The following PIGG variants were observed in gnomAD, a reference collection of about 807,000 sequenced individuals.
PIGG encodes the protein phosphatidylinositol glycan anchor biosynthesis class G (EMM blood group), also known as GPI ethanolamine phosphate transferase 2, catalytic subunit.
Under a neutral mutation model 83.2 loss-of-function variants are expected in PIGG, and 70 were observed. The observed-to-expected ratio is 0.84, with a 90% CI of 0.69 to 1.03. The LOEUF (loss-of-function observed/expected upper bound fraction) is 1.03. PIGG is among the 50% of genes least tolerant of loss of function. PIGG has a pLI of 0.00. For missense variants in PIGG, 1,257 were observed against 1,233.6 expected (o/e 1.02, Z -0.28); for synonymous variants, 532 against 519.5 (o/e 1.02, Z -0.33).
Position 521,839 on chromosome 4 carries a change from G to C in PIGG, c.1512G>C (p.Ser504=), listed in dbSNP as rs35851965. Residue 504 remains serine, a synonymous_variant, in exon 8 of 13, where the codon TCG becomes TCC. Coordinates refer to ENST00000453061, the MANE Select transcript of PIGG (RefSeq NM_001127178.3). ...AESSCYFCGL[S]WLAAGGVMVL... The stretch of plus-strand genomic sequence containing the variant: ...GTTCGTGCTACTTCTGTGGCCTCTC[G>C]TGGCTGGCGGCAGGTGGGGTGATGG... The C allele has an allele frequency of 1.9e-6, 3 of 1,614,206 alleles. No individual in the cohort carries two copies. Among genetic ancestry groups the C allele is most frequent in the Non-Finnish European group, 2.5e-6 (3 of 1,180,022 alleles).
chr4:503,665 T>A (rs1718557786), intron 2 of PIGG, among the ~76,000 whole-genome samples: 1 of 151,924 alleles, frequency 6.6e-6, no homozygotes, highest in Non-Finnish European at 1.5e-5. Context: ...GTTAAATACG[T>A]TATTGTACAG....
At position 521,658 on chromosome 4, in the gene PIGG, AG is replaced by A; in HGVS notation, c.1333del. 1 of 1,612,878 alleles carries A rather than the reference AG, an allele frequency of 6.2e-7. No individual in the cohort carries two copies. The highest frequency in any genetic ancestry group is 8.5e-7 in the Non-Finnish European group (1 of 1,178,956). ...GTGGATGCTGCTGTTTCTCTGTTCCAGGTTCTCACCCTGCTCCTGCTCAGCG... is the reference window on the plus strand; with the variant it reads ...GTGGATGCTGCTGTTTCTCTGTTCCAGTTCTCACCCTGCTCCTGCTCAGCG... On this transcript the variant is annotated splice_acceptor_variant, in intron 7 of 12. Transcript: ENST00000453061. LOFTEE classifies it high-confidence loss of function.
chr4:504,159 C>G (rs988390804), intron 2 of PIGG, among the ~76,000 whole-genome samples: 1 of 152,136 alleles, frequency 6.6e-6, no homozygotes, highest in African/African-American at 2.4e-5. Context: ...CGGGAGCGTG[C>G]GGCAACTGAT....
intron 4 of PIGG, among the ~76,000 whole-genome samples, chr4:508,225 G>A (rs1553881013): frequency 1.3e-5 from 2 of 152,232 alleles, no homozygotes; most frequent in Non-Finnish European, 2.9e-5. Flanking sequence ...AGCGTGTTGA[G>A]AGAAGCCTTC....
At position 527,176 on chromosome 4, in the gene PIGG, C is replaced by T. The variant is rs745563663; in HGVS notation, c.2207C>T (p.Ala736Val). The change falls in exon 10 of 13, where the codon GCG (alanine) becomes GTG (valine). Residue 736 changes from alanine (A) to valine (V), a missense_variant. Coordinates refer to ENST00000453061, the MANE Select transcript of PIGG (RefSeq NM_001127178.3). Reference protein sequence around the residue: ...LGLLGVYCYRAAIGSVRFPWR... With the variant: ...LGLLGVYCYRVAIGSVRFPWR... Reference sequence around the variant, plus strand: ...CTGCTGGGCGTCTACTGCTACCGGGCGGCCATCGGGAGTGTCCGGTTCCCG... The same window carrying T: ...CTGCTGGGCGTCTACTGCTACCGGGTGGCCATCGGGAGTGTCCGGTTCCCG... The T allele has an allele frequency of 2.8e-5, 45 of 1,613,064 alleles. No homozygotes were observed. In the Middle Eastern group the frequency reaches 8.4e-4, roughly 30 times the overall value.
At chr4:538,173 G>C (rs73794960) in intron 12 of PIGG, among the ~76,000 whole-genome samples, 3 of 151,424 alleles carry the variant, frequency 2.0e-5, no homozygotes, top group African/African-American at 7.4e-5. Flanking sequence ...GGCTGCCTCC[G>C]GGCCCTTTCT....
chr4:528,399 T>TGAGGGCTGTGGCCAGCCTGAGG lies in PIGG; in HGVS notation c.2261+1171_2261+1192dup. 1.0e-6 allele frequency: 1 copy of TGAGGGCTGTGGCCAGCCTGAGG among 985,312 alleles called. No homozygotes were observed. The highest frequency in any genetic ancestry group is 1.2e-6 in the Non-Finnish European group (1 of 829,798). 61.0% of individuals were successfully genotyped at this position (985,312 alleles called of 1,614,324 possible). ...AATCACAGCAAGTCAAGGTGACTGC[T>TGAGGGCTGTGGCCAGCCTGAGG]GAGGGCTGTGGCCAGCCTGAGGGGT... is the stretch of plus-strand genomic sequence containing the variant. On this transcript the variant is annotated intron_variant, in intron 10 of 12. Coordinates refer to ENST00000453061, the MANE Select transcript of PIGG (RefSeq NM_001127178.3). The surrounding 1 kb of genome is among the most constrained non-coding windows in gnomAD (Gnocchi z 4.8).
chr4:535,529 G>A (rs955778250), intron 12 of PIGG, among the ~76,000 whole-genome samples: 4 of 116,098 alleles, frequency 3.4e-5, no homozygotes, highest in Non-Finnish European at 5.2e-5. Flanking sequence ...AGAGCTTTGC[G>A]TGTGTCCTGT....
In PIGG at chr4:506,725, A is replaced by G. The variant is rs190481121; in HGVS notation, c.571-680A>G. 1.5e-4 allele frequency: 70 copies of G among 455,614 alleles called. No individual in the cohort carries two copies. The Middle Eastern group carries it at 2.3e-3, about 15-fold the overall frequency. 28.2% of individuals were successfully genotyped at this position (455,614 alleles called of 1,614,324 possible). Reference sequence around the variant, plus strand: ...TGACAGCTCTATTGGGGGCTGATCAACTGCTCATCTCTCCTCCGTGATGTG... The same window carrying G: ...TGACAGCTCTATTGGGGGCTGATCAGCTGCTCATCTCTCCTCCGTGATGTG... On this transcript the variant is annotated intron_variant, in intron 3 of 12. Coordinates refer to ENST00000453061, the MANE Select transcript of PIGG (RefSeq NM_001127178.3).
chr4:511,659 G>A (rs1722005290), intron 5 of PIGG, among the ~76,000 whole-genome samples: 1 of 152,218 alleles, frequency 6.6e-6, no homozygotes, highest in Admixed American at 6.5e-5. Flanking sequence ...TGCTTTTATA[G>A]TGTCTTTCAT....
Position 539,251 on chromosome 4 carries a change from T to C in PIGG, c.2834T>C (p.Leu945Ser), listed in dbSNP as rs1731498967. The C allele has an allele frequency of 6.2e-7, 1 of 1,612,044 alleles. No individual in the cohort carries two copies. Among genetic ancestry groups the C allele is most frequent in the Non-Finnish European group, 8.5e-7 (1 of 1,178,058 alleles). ...TTGGTGACATCTCTGCGTTATCATTTATTTATATGGAGTGTATTTTCTCCA... is the reference window on the plus strand; with the variant it reads ...TTGGTGACATCTCTGCGTTATCATTCATTTATATGGAGTGTATTTTCTCCA... ...IVLVTSLRYH[L>S]FIWSVFSPKL... The change falls in exon 13 of 13, where the codon TTA becomes TCA. Residue 945 changes from leucine (L) to serine (S), a missense_variant. By Grantham distance (145) the Leu-to-Ser change is moderately radical. Transcript: ENST00000453061.
chr4:499,357 T>G lies in PIGG; in HGVS notation c.22T>G (p.Phe8Val). The G allele has an allele frequency of 3.7e-6, 6 of 1,609,494 alleles. No homozygotes were observed. The highest frequency in any genetic ancestry group is 4.2e-6 in the Non-Finnish European group (5 of 1,179,898). Residue 8 changes from phenylalanine to valine, a missense_variant, in exon 1 of 13, where the codon TTC becomes GTC. Phe to Val is a conservative substitution (Grantham distance 50). Transcript: ENST00000453061. ...CACGATGCGGCTGGGCTCCGGGACT[T>G]TCGCTACCTGTTGCGTAGCGATCGA... is the stretch of plus-strand genomic sequence containing the variant. MRLGSGT[F>V]ATCCVAIEVL... is the part of the protein sequence containing the mutation.
chr4:529,145 C>CA (rs1728425447), intron 10 of PIGG, among the ~76,000 whole-genome samples: 1 of 152,192 alleles, frequency 6.6e-6, no homozygotes, highest in Non-Finnish European at 1.5e-5. Flanking sequence ...GAGGAGGACC[C>CA]ACCAAAGGCC....
At chr4:504,533 C>T (rs1553877610) in intron 2 of PIGG, among the ~76,000 whole-genome samples, 1 of 152,172 alleles carries the variant, frequency 6.6e-6, no homozygotes, top group Non-Finnish European at 1.5e-5. Flanking sequence ...ACAGTTTCAT[C>T]CAGTTTTATT....
intron 5 of PIGG, among the ~76,000 whole-genome samples, chr4:511,029 C>T (rs1721714719): frequency 6.6e-6 from 1 of 152,186 alleles, no homozygotes; most frequent in African/African-American, 2.4e-5. Context: ...CACTGTGGCT[C>T]TCACCTGTAA....
At chr4:529,925 C>T (rs1034924474) in intron 10 of PIGG, among the ~76,000 whole-genome samples, 2 of 152,226 alleles carry the variant, frequency 1.3e-5, no homozygotes, top group Non-Finnish European at 1.5e-5. Context: ...CACCACTGCA[C>T]GCGTGTGTGC....
chr4:512,685 G>GT (rs1722530106), intron 5 of PIGG, among the ~76,000 whole-genome samples: 1 of 151,626 alleles, frequency 6.6e-6, no homozygotes, highest in African/African-American at 2.4e-5. Flanking sequence ...TGTGGTGGTG[G>GT]GCGCCTGTAA....
chr4:521,311 T>C (rs775197445), intron 7 of PIGG, 38 bp downstream of exon 7: 109 of 1,402,654 alleles, frequency 7.8e-5, no homozygotes, highest in Non-Finnish European at 1.0e-4. Context: ...AGGTGTTGCA[T>C]TGATTTGATA....
rs1439569990 is a variant in PIGG, at chr4:516,199, C to G, written c.1114+14C>G. The G allele has an allele frequency of 6.4e-7, 1 of 1,570,998 alleles. No homozygotes were observed. The highest frequency in any genetic ancestry group is 1.7e-4 in the Middle Eastern group (1 of 5,962). ...CATATGAAAAAGGTCAGTCAACTCA[C>G]CGTTTCGAGCTCTGTCAGAGCTGTG... On this transcript the variant is annotated intron_variant, in intron 6 of 12. Coordinates refer to ENST00000453061, the MANE Select transcript of PIGG (RefSeq NM_001127178.3).
Sources: gnomAD v4.1 joint callset for allele counts (sites outside exome capture counted in the v4.1 genomes callset) on GRCh38, gnomAD v4.1.1 for gene constraint, Gnocchi (gnomAD v3.1) non-coding constraint, MANE v1.5 for transcripts, NCBI Gene and HGNC (gene_info 2026-07-23, HGNC 2026-07-21) for gene names.